Variants in FLT1 observed in about 807,000 individuals in gnomAD.
The protein encoded by FLT1 is vascular endothelial growth factor receptor 1.
Under a neutral mutation model 156.3 loss-of-function variants are expected in FLT1, and 49 were observed. The ratio of observed to expected loss-of-function variants is 0.31; its 90% CI spans 0.25 to 0.40. The LOEUF (loss-of-function observed/expected upper bound fraction) is 0.40. Among genes scored for constraint, FLT1 ranks in the 10% least tolerant of loss-of-function variants. FLT1 has a pLI of 1.00. For missense variants in FLT1, 1,322 were observed against 1,637.2 expected (o/e 0.81, Z 3.32); for synonymous variants, 594 against 583.8 (o/e 1.02, Z -0.25).
intron 17 of FLT1, among the ~76,000 whole-genome samples, chr13:28,334,330 A>G (rs1214823928): frequency 6.6e-6 from 1 of 152,190 alleles, no homozygotes; most frequent in Non-Finnish European, 1.5e-5. Context: ...GAGGCCCCAC[A>G]TCCTTCAAAG....
At chr13:28,373,164 CACCGTGTGGAGGTGGGGGAGGGA>C (rs1239603728) in intron 14 of FLT1, among the ~76,000 whole-genome samples, 4 of 152,176 alleles carry the variant, frequency 2.6e-5, no homozygotes, top group Admixed American at 6.5e-5. Context: ...AAGACTGTCC[CACCGTGTGGAGGTGGGGGAGGGA>C]ACGTGATATA....
intron 20 of FLT1, among the ~76,000 whole-genome samples, chr13:28,326,814 C>T (rs992966487): frequency 2.6e-5 from 4 of 152,178 alleles, no homozygotes; most frequent in East Asian, 1.9e-4. Flanking sequence ...CGTAAGCCAC[C>T]GTGCCTGGCC....
intron 1 of FLT1, among the ~76,000 whole-genome samples, chr13:28,471,570 T>C (rs2137632151): frequency 6.6e-6 from 1 of 152,284 alleles, no homozygotes; most frequent in African/African-American, 2.4e-5. Flanking sequence ...TACGTACCCA[T>C]AAACACATGC....
At chr13:28,462,903 C>T (rs914533656) in intron 3 of FLT1, among the ~76,000 whole-genome samples, 1 of 152,160 alleles carries the variant, frequency 6.6e-6, no homozygotes, top group Admixed American at 6.5e-5. Flanking sequence ...TTGCCCCTTC[C>T]GACCTCCTCC....
intron 12 of FLT1, among the ~76,000 whole-genome samples, chr13:28,395,250 CACTGGT>C (rs930995779): frequency 6.6e-6 from 1 of 152,186 alleles, no homozygotes; most frequent in Non-Finnish European, 1.5e-5. Context: ...TGTGGGCCTC[CACTGGT>C]ACTCTTGTCT....
At chr13:28,382,409 C>T (rs138206249) in intron 14 of FLT1, among the ~76,000 whole-genome samples, 325 of 152,326 alleles carry the variant, frequency 2.1e-3, no homozygotes, top group Admixed American at 4.1e-3. Flanking sequence ...CTGAGCATAA[C>T]GTCGTAGGAG....
intron 6 of FLT1, among the ~76,000 whole-genome samples, chr13:28,432,620 AG>A (rs1877764140): frequency 6.6e-6 from 1 of 152,260 alleles, no homozygotes; most frequent in South Asian, 2.1e-4. Context: ...CAGTCACACT[AG>A]TCACATTTCA....
chr13:28,382,928 T>G (rs1024108639), intron 14 of FLT1, among the ~76,000 whole-genome samples: 5 of 152,222 alleles, frequency 3.3e-5, no homozygotes, highest in African/African-American at 9.6e-5. Context: ...CACAACCCCA[T>G]TCTGTGCATC....
At chr13:28,440,533 G>GT (rs1331043969) in intron 3 of FLT1, among the ~76,000 whole-genome samples, 2 of 152,228 alleles carry the variant, frequency 1.3e-5, no homozygotes, top group Admixed American at 1.3e-4. Context: ...CAGTGGGAAA[G>GT]TAAGTGCCTC....
intron 14 of FLT1, among the ~76,000 whole-genome samples, chr13:28,363,892 A>T (rs1873197878): frequency 6.6e-6 from 1 of 151,886 alleles, no homozygotes; most frequent in Non-Finnish European, 1.5e-5. Context: ...ACAGGGGTGA[A>T]CCACTGCTCC....
intron 23 of FLT1, among the ~76,000 whole-genome samples, chr13:28,320,995 T>C (rs1041184131): frequency 1.3e-5 from 2 of 152,128 alleles, no homozygotes; most frequent in Non-Finnish European, 2.9e-5. Flanking sequence ...TGGAAGGCCA[T>C]GGGAGGTAAA....
intron 10 of FLT1, among the ~76,000 whole-genome samples, chr13:28,424,901 G>C (rs557564646): frequency 2.4e-4 from 37 of 152,278 alleles, no homozygotes; most frequent in Admixed American, 7.8e-4. Context: ...ATCTAAGTTA[G>C]TCTAAGTGTA....
intron 14 of FLT1, among the ~76,000 whole-genome samples, chr13:28,361,370 A>G (rs1241635479): frequency 6.6e-6 from 1 of 152,190 alleles, no homozygotes; most frequent in Non-Finnish European, 1.5e-5. Flanking sequence ...GTCTTTCTAA[A>G]GTGTACTTTC....
intron 14 of FLT1, among the ~76,000 whole-genome samples, chr13:28,362,209 A>G (rs115462148): frequency 6.6e-6 from 1 of 152,226 alleles, no homozygotes; most frequent in Non-Finnish European, 1.5e-5. Flanking sequence ...AAAAAATGAC[A>G]GCTCTTCCCC....
In FLT1 at chr13:28,321,486, G is replaced by T. The variant is rs1318264029; in HGVS notation, c.3151C>A (p.Pro1051Thr). The T allele has an allele frequency of 1.2e-6, 2 of 1,613,910 alleles. No individual in the cohort carries two copies. Among genetic ancestry groups the T allele is most frequent in the African/African-American group, 2.7e-5 (2 of 74,884 alleles). Residue 1051 changes from proline to threonine, a missense_variant, in exon 23 of 30, where the codon CCC (proline) becomes ACC (threonine). Pro to Thr is a conservative substitution (Grantham distance 38). Around this residue, in one of 3 missense-constraint regions of FLT1, gnomAD observed 329 missense variants for 366.2 expected, o/e 0.90. Coordinates refer to ENST00000282397, the MANE Select transcript of FLT1 (RefSeq NM_002019.4). ...FGLARDIYKN[P>T]DYVRKGDTRL... is the part of the protein sequence containing the mutation. ...ACATCTCCTTTTCTCACATAATCGG[G>T]GTTCTTATAAATATCCCGGGCAAGG...
intron 28 of FLT1, among the ~76,000 whole-genome samples, chr13:28,307,650 G>A (rs1870804703): frequency 1.1e-5 from 1 of 87,754 alleles, no homozygotes; most frequent in South Asian, 5.0e-4. Context: ...GTGGTTTTTC[G>A]TTTTTGATTT....
intron 18 of FLT1, among the ~76,000 whole-genome samples, chr13:28,330,535 A>G (rs1213544986): frequency 6.6e-6 from 1 of 150,656 alleles, no homozygotes; most frequent in Non-Finnish European, 1.5e-5. Flanking sequence ...CATGGTTAAT[A>G]GTTTGGTGTT....
intron 3 of FLT1, among the ~76,000 whole-genome samples, chr13:28,456,572 T>G (rs1593813374): frequency 6.6e-6 from 1 of 151,782 alleles, no homozygotes; most frequent in South Asian, 2.1e-4. Context: ...CGGAGGTGGG[T>G]GGATCACGAG....
intron 1 of FLT1, among the ~76,000 whole-genome samples, chr13:28,490,879 C>T (rs1326859537): frequency 1.3e-5 from 2 of 152,196 alleles, no homozygotes; most frequent in Non-Finnish European, 2.9e-5. Flanking sequence ...GAGATCCAAA[C>T]CAAGAATTAG....
Sources: allele counts gnomAD v4.1 joint callset (sites outside exome capture counted in the v4.1 genomes callset), GRCh38; gene constraint gnomAD v4.1.1; regional missense constraint gnomAD v4.1.1; transcripts MANE v1.5; gene names NCBI Gene and HGNC (gene_info 2026-07-23, HGNC 2026-07-21).